The following ZNF687 variants were observed in gnomAD, a reference collection of about 807,000 sequenced individuals.
ZNF687 encodes zinc finger protein 687.
Under a neutral mutation model 71.8 loss-of-function variants are expected in ZNF687, and 13 were observed. The ratio of observed to expected loss-of-function variants is 0.18; its 90% CI spans 0.12 to 0.29. The LOEUF (loss-of-function observed/expected upper bound fraction) is 0.29, where lower values mean the gene tolerates loss of function less well. Ranked by LOEUF, ZNF687 falls within the 10% of genes least tolerant of loss-of-function variation. ZNF687 has a pLI of 1.00. For missense variants in ZNF687, 1,412 were observed against 1,625.6 expected (o/e 0.87, Z 2.26); for synonymous variants, 673 against 641.6 (o/e 1.05, Z -0.74).
Position 151,286,649 on chromosome 1 carries a change from C to A in ZNF687, c.358C>A (p.Pro120Thr). The A allele has an allele frequency of 2.5e-6, 4 of 1,614,192 alleles. No individual in the cohort carries two copies. The highest frequency in any genetic ancestry group is 3.4e-6 in the Non-Finnish European group (4 of 1,180,022). ...AGVTKEGPVG[P>T]HRMQNGFGSP... Reference sequence around the variant, plus strand: ...GGTAACTAAAGAAGGGCCTGTGGGGCCTCATCGAATGCAGAATGGTTTTGG... The same window carrying A: ...GGTAACTAAAGAAGGGCCTGTGGGGACTCATCGAATGCAGAATGGTTTTGG... The change falls in exon 2 of 9, where the codon CCT becomes ACT. Residue 120 changes from proline to threonine, a missense_variant. Pro to Thr is a conservative substitution (Grantham distance 38). Around this residue, in one of 8 missense-constraint regions of ZNF687, gnomAD observed 490 missense variants for 489.9 expected, o/e 1.00. Coordinates refer to ENST00000336715, the MANE Select transcript of ZNF687 (RefSeq NM_020832.3).
chr1:151,282,126 C>T (rs1181427944), upstream of ZNF687: 3 of 1,241,174 alleles, frequency 2.4e-6, no homozygotes, highest in East Asian at 1.8e-4. Context: ...CATAAGAGGA[C>T]TGTGCGGGGC....
In ZNF687 at chr1:151,289,990, A is replaced by C. The variant is rs771996627; in HGVS notation, c.2947A>C (p.Lys983Gln). The C allele has an allele frequency of 1.9e-6, 3 of 1,582,956 alleles. No homozygotes were observed. Among genetic ancestry groups the C allele is most frequent in the Non-Finnish European group, 2.6e-6 (3 of 1,162,058 alleles). ...GCGTGATGAATACGTGGCCCACATG[A>C]AGAAGGAGCATGGCAAGGTGAGTGG... ...PERDEYVAHM[K>Q]KEHGKSVKKF... The change falls in exon 6 of 9, where the codon AAG becomes CAG. Residue 983 changes from lysine (K) to glutamine (Q), a missense_variant. By Grantham distance (53) the Lys-to-Gln change is moderately conservative. Around this residue, in one of 8 missense-constraint regions of ZNF687, gnomAD observed 284 missense variants for 359.2 expected, o/e 0.79. Coordinates refer to ENST00000336715, the MANE Select transcript of ZNF687 (RefSeq NM_020832.3).
chr1:151,291,104 G>C lies in ZNF687; in HGVS notation c.3609G>C (p.Lys1203Asn), dbSNP rs773416971. 1.9e-6 allele frequency: 3 copies of C among 1,613,476 alleles called. No homozygotes were observed. In the African/African-American group the frequency reaches 4.0e-5, roughly 22 times the overall value. The change falls in exon 9 of 9, where the codon AAG (lysine) becomes AAC (asparagine). Residue 1203 changes from lysine to asparagine, a missense_variant. Coordinates refer to ENST00000336715, the MANE Select transcript of ZNF687 (RefSeq NM_020832.3). ...CTTCTGGAGGCCCACTGACCTGTAA[G>C]GTCTGTGGCAAGAGCTGCGACAGCC... ...LPASGGPLTCKVCGKSCDSPL... is the reference protein window; with the variant it reads ...LPASGGPLTCNVCGKSCDSPL...
intron 1 of ZNF687, 112 bp downstream of exon 1, chr1:151,282,507 C>G: frequency 1.2e-6 from 1 of 818,530 alleles, no homozygotes. Flanking sequence ...CCGCGCCGCC[C>G]CCTGGGGCGG....
Position 151,287,143 on chromosome 1 carries a change from G to A in ZNF687, c.852G>A (p.Leu284=), listed in dbSNP as rs1693985520. The change falls in exon 2 of 9, where the codon TTG becomes TTA. Residue 284 remains leucine (L), a synonymous_variant. Coordinates refer to ENST00000336715, the MANE Select transcript of ZNF687 (RefSeq NM_020832.3). This position sits in a 1 kb window ranked among gnomAD's most constrained non-coding sequence, Gnocchi z 5.0. ...ASPKVPVCQP[L]KEEDDDEGPV... is the part of the protein sequence containing the mutation. ...CCAAAGTGCCCGTCTGTCAGCCCTT[G>A]AAGGAAGAAGATGATGATGAGGGGC... The A allele has an allele frequency of 6.2e-7, 1 of 1,614,040 alleles. No individual in the cohort carries two copies. Among genetic ancestry groups the A allele is most frequent in the African/African-American group, 1.3e-5 (1 of 74,924 alleles).
chr1:151,282,660 A>T (rs1014388675), intron 1 of ZNF687, among the ~76,000 whole-genome samples: 3 of 152,140 alleles, frequency 2.0e-5, no homozygotes, highest in Admixed American at 1.3e-4. Flanking sequence ...CTCGAGAGGC[A>T]CCCGAAGTGC....
chr1:151,284,211 G>A (rs1693851269), intron 1 of ZNF687: 1 of 985,248 alleles, frequency 1.0e-6, no homozygotes, highest in Admixed American at 6.2e-5. Context: ...AATGATGGGT[G>A]AGGGTTGAGG....
intron 1 of ZNF687, 125 bp downstream of exon 1, chr1:151,282,520 T>C: frequency 1.5e-6 from 1 of 682,228 alleles, no homozygotes; most frequent in Middle Eastern, 7.6e-4. Context: ...TGGGGCGGCT[T>C]CTAGGAAGGC....
At position 151,287,058 on chromosome 1, in the gene ZNF687, C is replaced by G. The variant is rs1054680507; in HGVS notation, c.767C>G (p.Pro256Arg). 6.2e-7 allele frequency: 1 copy of G among 1,611,166 alleles called. No individual in the cohort carries two copies. The highest frequency in any genetic ancestry group is 8.5e-7 in the Non-Finnish European group (1 of 1,177,796). The change falls in exon 2 of 9, where the codon CCA becomes CGA. Residue 256 changes from proline to arginine, a missense_variant. Pro to Arg is a moderately radical substitution (Grantham distance 103). Coordinates refer to ENST00000336715, the MANE Select transcript of ZNF687 (RefSeq NM_020832.3). This position sits in a 1 kb window ranked among gnomAD's most constrained non-coding sequence, Gnocchi z 5.0. ...ATCCCTGCCAGTGCCTCGCCTCCCC[C>G]AGTTGCTGGGGTGCCCTTCTTCAAG... The part of the protein sequence containing the change: ...TDIPASASPP[P>R]VAGVPFFKQS...
chr1:151,282,131 C>T, upstream of ZNF687: 1 of 1,235,774 alleles, frequency 8.1e-7, no homozygotes, highest in Non-Finnish European at 1.1e-6. Context: ...GAGGACTGTG[C>T]GGGGCTAGTT....
At chr1:151,289,653 C>A in intron 5 of ZNF687, 25 bp from the exon 6 acceptor site, 1 of 1,589,612 alleles carries the variant, frequency 6.3e-7, no homozygotes, top group Admixed American at 1.8e-5. Flanking sequence ...CCCACAACAG[C>A]AACCTCCCTT....
upstream of ZNF687, chr1:151,281,627 T>G: frequency 2.1e-6 from 1 of 471,074 alleles, no homozygotes; most frequent in Non-Finnish European, 4.4e-6. Flanking sequence ...GGTTACGCTG[T>G]CGCCCAGGAG....
chr1:151,284,367 A>T, intron 1 of ZNF687: 1 of 641,590 alleles, frequency 1.6e-6, no homozygotes, highest in Non-Finnish European at 1.9e-6. Flanking sequence ...GAAGGTAGTG[A>T]GCGAGCAGCA....
chr1:151,288,426 C>T lies in ZNF687; in HGVS notation c.2115+20C>T, dbSNP rs587636710. The T allele has an allele frequency of 6.3e-7, 1 of 1,596,560 alleles. No individual in the cohort carries two copies. Among genetic ancestry groups the T allele is most frequent in the East Asian group, 2.2e-5 (1 of 44,662 alleles). Reference sequence around the variant, plus strand: ...AGCAATGTGAGTCACCTTTCACAGCCCTTCTGTGGGGACAGGATCTAGGAA... The same window carrying T: ...AGCAATGTGAGTCACCTTTCACAGCTCTTCTGTGGGGACAGGATCTAGGAA... On this transcript the variant is annotated intron_variant, in intron 2 of 8. Transcript: ENST00000336715.
rs866241515 is a variant in ZNF687, at chr1:151,289,778, A to G, written c.2735A>G (p.Gln912Arg). The G allele has an allele frequency of 6.4e-7, 1 of 1,561,784 alleles. No individual in the cohort carries two copies. Among genetic ancestry groups the G allele is most frequent in the East Asian group, 2.4e-5 (1 of 41,918 alleles). ...GAGCCTGAGGAGCTGGCTGTTTCTCAGGGAGGGGCAGCCCCTGCTACTGAG... is the reference window on the plus strand; with the variant it reads ...GAGCCTGAGGAGCTGGCTGTTTCTCGGGGAGGGGCAGCCCCTGCTACTGAG... ...KTEPEELAVS[Q>R]GGAAPATEES... The change falls in exon 6 of 9, where the codon CAG (glutamine) becomes CGG (arginine). Residue 912 changes from glutamine (Q) to arginine (R), a missense_variant. Around this residue, in one of 8 missense-constraint regions of ZNF687, gnomAD observed 135 missense variants for 104.1 expected, o/e 1.30. Coordinates refer to ENST00000336715, the MANE Select transcript of ZNF687 (RefSeq NM_020832.3).
chr1:151,287,218 C>G lies in ZNF687; in HGVS notation c.927C>G (p.Ala309=), dbSNP rs146975201. The stretch of plus-strand genomic sequence containing the variant: ...GTCCCCAGAGTCCCTCTAGTGGGGC[C>G]GAGGCTGCAGATGAGGACAGCAATG... ...PGSPQSPSSG[A]EAADEDSNDS... Residue 309 remains alanine, a synonymous_variant, in exon 2 of 9, where the codon GCC becomes GCG. Coordinates refer to ENST00000336715, the MANE Select transcript of ZNF687 (RefSeq NM_020832.3). This position sits in a 1 kb window ranked among gnomAD's most constrained non-coding sequence, Gnocchi z 5.0. The G allele has an allele frequency of 3.8e-5, 61 of 1,614,024 alleles. No homozygotes were observed. Among genetic ancestry groups the G allele is most frequent in the Non-Finnish European group, 5.0e-5 (59 of 1,180,018 alleles).
rs1054484042 is a variant in ZNF687 at position 151,289,915 on chromosome 1, G to A, written c.2872G>A (p.Gly958Arg). Residue 958 changes from glycine (G) to arginine (R), a missense_variant, in exon 6 of 9, where the codon GGG becomes AGG. Gly to Arg is a moderately radical substitution (Grantham distance 125). Transcript: ENST00000336715. The stretch of plus-strand genomic sequence containing the variant: ...GAGCAAAGGCCTCAAGGGTGGGGGT[G>A]GGGGGCCTGGAGGCTGGACCTGTGG... The part of the protein sequence containing the change: ...LGSKGLKGGG[G>R]GPGGWTCGLC... The A allele has an allele frequency of 2.4e-5, 37 of 1,557,334 alleles. No individual in the cohort carries two copies. The highest frequency in any genetic ancestry group is 3.2e-5 in the Non-Finnish European group (37 of 1,148,458).
At position 151,287,131 on chromosome 1, in the gene ZNF687, C is replaced by T; in HGVS notation, c.840C>T (p.Val280=). ...CTCTTGCCTCCCCCAAAGTGCCCGT[C>T]TGTCAGCCCTTGAAGGAAGAAGATG... is the stretch of plus-strand genomic sequence containing the variant. The part of the protein sequence containing the change: ...QSPLASPKVP[V]CQPLKEEDDD... Residue 280 remains valine (V), a synonymous_variant, in exon 2 of 9, where the codon GTC becomes GTT. Transcript: ENST00000336715. The surrounding 1 kb of genome is among the most constrained non-coding windows in gnomAD (Gnocchi z 5.0). The T allele has an allele frequency of 6.2e-7, 1 of 1,614,180 alleles. No individual in the cohort carries two copies.
intron 1 of ZNF687, chr1:151,285,639 C>T (rs112987276): frequency 6.6e-6 from 1 of 152,360 alleles, no homozygotes; most frequent in Non-Finnish European, 1.5e-5. Flanking sequence ...GTCTTGATCT[C>T]CTGACCTCGT....
Sources: allele counts gnomAD v4.1 joint callset (sites outside exome capture counted in the v4.1 genomes callset), GRCh38; gene constraint gnomAD v4.1.1; regional missense constraint gnomAD v4.1.1; non-coding constraint Gnocchi (gnomAD v3.1); transcripts MANE v1.5; gene names NCBI Gene and HGNC (gene_info 2026-07-23, HGNC 2026-07-21).